The following BDP1 variants were observed in gnomAD, a reference collection of about 807,000 sequenced individuals.
BDP1 encodes BDP1 general transcription factor IIIB subunit.
BDP1 carries 169 observed loss-of-function variants against 266.6 expected under a neutral mutation model. The observed-to-expected ratio is 0.63, with a 90% CI of 0.56 to 0.72. The LOEUF (loss-of-function observed/expected upper bound fraction) is 0.72, where lower values mean the gene tolerates loss of function less well. BDP1 is among the 30% of genes least tolerant of loss of function. The pLI is 0.00. For synonymous variants in BDP1, 1,090 were observed against 1,022.4 expected, an observed-to-expected ratio of 1.07 and a Z score of -1.26; for missense variants, 3,015 against 3,053.8, an observed-to-expected ratio of 0.99 and a Z score of 0.30.
intron 2 of BDP1, among the ~76,000 whole-genome samples, chr5:71,460,005 G>C (rs561003914): frequency 1.3e-5 from 2 of 152,338 alleles, no homozygotes; most frequent in South Asian, 4.1e-4. Flanking sequence ...AAGTATTTCA[G>C]ATAAGAGATG....
In BDP1 at chr5:71,542,240, A is replaced by T. The variant is rs1029499735; in HGVS notation, c.6387A>T (p.Lys2129Asn). ...YQEVSSLCVT[K>N]GAEMETQRET... ...AAGTTTCCAGTTTGTGTGTAACCAA[A>T]GGGGCAGAAATGGAAACTCAAAGAG... Residue 2129 changes from lysine (K) to asparagine (N), a missense_variant, in exon 30 of 39, where the codon AAA (lysine) becomes AAT (asparagine). Lys to Asn is a moderately conservative substitution (Grantham distance 94, BLOSUM62 0). Coordinates refer to ENST00000358731, the MANE Select transcript of BDP1 (RefSeq NM_018429.3). 3 of 1,610,908 alleles carry T rather than the reference A, an allele frequency of 1.9e-6. No homozygotes were observed. Among genetic ancestry groups the T allele is most frequent in the Non-Finnish European group, 2.5e-6 (3 of 1,179,296 alleles).
intron 29 of BDP1, 33 bp from the exon 30 acceptor site, chr5:71,542,072 T>C: frequency 6.4e-7 from 1 of 1,556,858 alleles, no homozygotes; most frequent in South Asian, 1.2e-5. Context: ...AGATCTAACA[T>C]GATTCATGAA....
chr5:71,506,171 G>T lies in BDP1; in HGVS notation c.2372+1420G>T, dbSNP rs527838765. 3.9e-5 allele frequency among the ~76,000 whole-genome samples: 6 copies of T among 152,154 alleles called. No individual in the cohort carries two copies. In the East Asian group the frequency reaches 1.2e-3, roughly 29 times the overall value. On this transcript the variant is annotated intron_variant, in intron 16 of 38. Coordinates refer to ENST00000358731, the MANE Select transcript of BDP1 (RefSeq NM_018429.3). ...CTAGAGTCTATTAATAGATACTGTG[G>T]CTTGGTAGAAAATTAAACTTTTCTG...
At chr5:71,483,536 C>T (rs1421450803) in intron 7 of BDP1, among the ~76,000 whole-genome samples, 1 of 152,154 alleles carries the variant, frequency 6.6e-6, no homozygotes, top group Non-Finnish European at 1.5e-5. Flanking sequence ...AAGTTAATAC[C>T]AGTGAGCTTA....
rs1394003628 is a variant in BDP1, at chr5:71,539,549, C to G, written c.5930-8C>G. The stretch of plus-strand genomic sequence containing the variant: ...CTTTTTTTTAATGTTGATATATTTC[C>G]TCACAAGGTACCAATGATGGAAGCA... On this transcript the variant is annotated splice_polypyrimidine_tract_variant and splice_region_variant and intron_variant, in intron 27 of 38. Coordinates refer to ENST00000358731, the MANE Select transcript of BDP1 (RefSeq NM_018429.3). The G allele has an allele frequency of 5.0e-6, 8 of 1,595,142 alleles. No homozygotes were observed. Among genetic ancestry groups the G allele is most frequent in the Admixed American group, 3.5e-5 (2 of 57,884 alleles).
At chr5:71,459,101 TAA>T (rs1229694595) in intron 2 of BDP1, among the ~76,000 whole-genome samples, 8 of 152,232 alleles carry the variant, frequency 5.3e-5, no homozygotes, top group African/African-American at 1.9e-4. Flanking sequence ...AGACCACAAA[TAA>T]GTTTCATACG....
chr5:71,473,224 C>T (rs1580002460), intron 7 of BDP1, among the ~76,000 whole-genome samples: 1 of 134,512 alleles, frequency 7.4e-6, no homozygotes, highest in Non-Finnish European at 1.6e-5. Flanking sequence ...GTTTATTAAT[C>T]TAAACATCTT....
Position 71,489,654 on chromosome 5 carries a change from G to A in BDP1, c.1464G>A (p.Ala488=), listed in dbSNP as rs769462568. Residue 488 remains alanine, a synonymous_variant, in exon 10 of 39, where the codon GCG becomes GCA. Transcript: ENST00000358731. The part of the protein sequence containing the change: ...NNLLENATVQ[A]GPSKGEKHKN... ...TTTTAGAAAATGCCACTGTTCAGGCGGGTCCTTCTAAAGGAGAAAAACACA... is the reference window on the plus strand; with the variant it reads ...TTTTAGAAAATGCCACTGTTCAGGCAGGTCCTTCTAAAGGAGAAAAACACA... 10 of 1,611,764 alleles carry A rather than the reference G, an allele frequency of 6.2e-6. No homozygotes were observed. The highest frequency in any genetic ancestry group is 5.5e-5 in the South Asian group (5 of 90,712).
At chr5:71,528,960 G>C (rs1341030001) in intron 25 of BDP1, among the ~76,000 whole-genome samples, 1 of 152,150 alleles carries the variant, frequency 6.6e-6, no homozygotes, top group African/African-American at 2.4e-5. Context: ...ATTCCAGACT[G>C]TATCCCTGAA....
rs1360468686 is a variant in BDP1, at chr5:71,549,718, TA to T, written c.6995+113del. The T allele has an allele frequency of 6.0e-6, 5 of 827,610 alleles. No homozygotes were observed. The East Asian group carries it at 1.2e-4, about 20-fold the overall frequency. The allele number at this position is 827,610 out of a possible 1,614,324, so 51.3% of individuals were successfully genotyped here. A position where few individuals can be genotyped will look rare whatever the true frequency, so the allele number is the denominator to read the frequency against. ...TTAGTTGTTATTGTTGTGGAGATCTTATTTATCATTTATGTGGTAAGTTAGA... is the reference window on the plus strand; with the variant it reads ...TTAGTTGTTATTGTTGTGGAGATCTTTTTATCATTTATGTGGTAAGTTAGA... On this transcript the variant is annotated intron_variant, in intron 34 of 38. Coordinates refer to ENST00000358731, the MANE Select transcript of BDP1 (RefSeq NM_018429.3).
chr5:71,472,011 G>C (rs1381310877), intron 7 of BDP1, among the ~76,000 whole-genome samples: 1 of 152,234 alleles, frequency 6.6e-6, no homozygotes, highest in African/African-American at 2.4e-5. Flanking sequence ...TTAAAATTCT[G>C]TGAAGGCTAG....
intron 36 of BDP1, among the ~76,000 whole-genome samples, chr5:71,557,181 T>C (rs1034841590): frequency 1.3e-5 from 2 of 152,032 alleles, no homozygotes; most frequent in Admixed American, 6.6e-5. Context: ...AACTACACTT[T>C]AGGAGTTAGC....
chr5:71,500,105 A>G (rs557557722), intron 13 of BDP1, among the ~76,000 whole-genome samples: 19 of 152,138 alleles, frequency 1.2e-4, no homozygotes, highest in Non-Finnish European at 2.1e-4. Flanking sequence ...TTTTTAAACT[A>G]AAACACTTTT....
Position 71,564,983 on chromosome 5 carries a change from A to G in BDP1, c.*98A>G, listed in dbSNP as rs969096388. The G allele has an allele frequency of 2.7e-6, 3 of 1,127,944 alleles. No homozygotes were observed. Among genetic ancestry groups the G allele is most frequent in the Admixed American group, 2.7e-5 (1 of 37,204 alleles). 69.9% of individuals were successfully genotyped at this position (1,127,944 alleles called of 1,614,324 possible). On this transcript the variant is annotated 3_prime_UTR_variant, in exon 39 of 39. Coordinates refer to ENST00000358731, the MANE Select transcript of BDP1 (RefSeq NM_018429.3). ...ATTTAGAGCAAAATATCACTGTCTT[A>G]TTTTTCTTTAGGTTGATTTTGAATA...
chr5:71,473,209 T>A (rs1762370619), intron 7 of BDP1, among the ~76,000 whole-genome samples: 1 of 151,090 alleles, frequency 6.6e-6, no homozygotes, highest in African/African-American at 2.4e-5. Context: ...TTCATCTTGC[T>A]AAGTGTTTAT....
At chr5:71,546,324 T>C (rs1742303461) in intron 32 of BDP1, among the ~76,000 whole-genome samples, 1 of 152,054 alleles carries the variant, frequency 6.6e-6, no homozygotes, top group South Asian at 2.1e-4. Flanking sequence ...TCCATCTGTA[T>C]AGATAAATAC....
chr5:71,533,070 A>AT (rs889240921), intron 26 of BDP1, among the ~76,000 whole-genome samples: 2 of 152,054 alleles, frequency 1.3e-5, no homozygotes, highest in African/African-American at 4.8e-5. Flanking sequence ...TTAATGTAAC[A>AT]TTTTTTACTG....
Position 71,509,688 on chromosome 5 carries a change from A to C in BDP1, c.2596A>C (p.Asn866His). ...SPKEMVPAEI[N>H]TKEMQSDLKE... is the part of the protein sequence containing the mutation. ...AAAGGAGATGGTACCAGCAGAGATT[A>C]ATACTAAAGAAATGCAGTCAGATTT... Residue 866 changes from asparagine to histidine, a missense_variant, in exon 17 of 39, where the codon AAT becomes CAT. Transcript: ENST00000358731. The C allele has an allele frequency of 6.2e-7, 1 of 1,613,636 alleles. No individual in the cohort carries two copies. The highest frequency in any genetic ancestry group is 8.5e-7 in the Non-Finnish European group (1 of 1,179,922).
the BDP1 span, among the ~76,000 whole-genome samples, chr5:71,575,644 G>A: frequency 6.6e-6 from 1 of 152,158 alleles, no homozygotes; most frequent in Non-Finnish European, 1.5e-5. Context: ...CTTAAGGACT[G>A]TTTCTTTACT....
Sources: allele counts gnomAD v4.1 joint callset (sites outside exome capture counted in the v4.1 genomes callset), GRCh38; gene constraint gnomAD v4.1.1; transcripts MANE v1.5; gene names NCBI Gene and HGNC (gene_info 2026-07-23, HGNC 2026-07-21).